The following ACP6 variants were observed in gnomAD, a reference collection of about 807,000 sequenced individuals.
ACP6 encodes lysophosphatidic acid phosphatase type 6.
A neutral mutation model predicts 48.1 loss-of-function variants in ACP6; 48 were observed. The ratio of observed to expected loss-of-function variants is 1.00; its 90% CI spans 0.79 to 1.27. ACP6 has a LOEUF of 1.27. Ranked by LOEUF, ACP6 falls within the 50% of genes most tolerant of loss-of-function variation. The probability of loss-of-function intolerance (pLI) is 0.00; values close to 1 mark genes in which losing one functional copy is unlikely to be tolerated. For synonymous variants in ACP6, 172 were observed against 204.2 expected (o/e 0.84, Z 1.34); for missense variants, 485 against 529.1 (o/e 0.92, Z 0.82).
chr1:147,632,772 G>A (rs587622317), intron 5 of ACP6, among the ~76,000 whole-genome samples: 1 of 152,244 alleles, frequency 6.6e-6, no homozygotes, highest in East Asian at 1.9e-4. Flanking sequence ...CAAGCAGGAT[G>A]GATTGAAGCA....
chr1:147,630,840 G>T (rs1294630227), exon 6 of ACP6: 1 of 152,202 alleles, frequency 6.6e-6, no homozygotes, highest in Non-Finnish European at 1.5e-5. Flanking sequence ...CTCTAGGATA[G>T]CTGTGAGTAG....
At chr1:147,648,209 G>T in intron 9 of ACP6, 37 bp downstream of exon 9, 1 of 1,609,696 alleles carries the variant, frequency 6.2e-7, no homozygotes, top group Non-Finnish European at 8.5e-7. Context: ...GCAGGAGGGT[G>T]CCTCACCACC....
At chr1:147,640,199 ACT>A (rs1659411383), downstream of ACP6, among the ~76,000 whole-genome samples, 1 of 152,020 alleles carries the variant, frequency 6.6e-6, no homozygotes, top group South Asian at 2.1e-4. Flanking sequence ...ATAAACAGAA[ACT>A]CTGCCATGCT....
chr1:147,648,144 G>C, intron 9 of ACP6, 102 bp downstream of exon 9: 1 of 1,359,114 alleles, frequency 7.4e-7, no homozygotes. Context: ...TGCCAAGAGA[G>C]ACTCCACTGG....
chr1:147,642,562 GGT>G lies in ACP6; in HGVS notation c.*4859_*4860del, dbSNP rs1553208913. ...GGTATGCAGGGGCCAGGTCTCAGGG[GGT>G]GATGGAAAGCAAGTGAGGGTATGGC... is the stretch of plus-strand genomic sequence containing the variant. On this transcript the variant is annotated 3_prime_UTR_variant, in exon 10 of 10. Transcript: ENST00000583509. The G allele has an allele frequency of 6.6e-6, 1 of 152,240 alleles. No homozygotes were observed. Among genetic ancestry groups the G allele is most frequent in the African/African-American group, 2.4e-5 (1 of 41,402 alleles). 9.4% of individuals were successfully genotyped at this position (152,240 alleles called of 1,614,324 possible). A position where few individuals can be genotyped will look rare whatever the true frequency, so the allele number is the denominator to read the frequency against.
chr1:147,641,553 T>G (rs150861231), downstream of ACP6, among the ~76,000 whole-genome samples: 19 of 152,298 alleles, frequency 1.2e-4, no homozygotes, highest in African/African-American at 4.3e-4. Flanking sequence ...GCCTTTCACT[T>G]TGCCATACAC....
At chr1:147,642,207 C>A (rs1467716313), downstream of ACP6, 3 of 152,170 alleles carry the variant, frequency 2.0e-5, no homozygotes, top group African/African-American at 7.2e-5. Flanking sequence ...TGCATAGAAG[C>A]CACCTGGGTG....
At position 147,659,688 on chromosome 1, in the gene ACP6, A is replaced by G; in HGVS notation, c.307T>C (p.Tyr103His). 2 of 1,614,200 alleles carry G rather than the reference A, an allele frequency of 1.2e-6. No individual in the cohort carries two copies. The highest frequency in any genetic ancestry group is 2.2e-5 in the South Asian group (2 of 91,082). The change falls in exon 2 of 10, where the codon TAT (tyrosine) becomes CAT (histidine). Residue 103 changes from tyrosine (Y) to histidine (H), a missense_variant. Tyr to His is a moderately conservative substitution (Grantham distance 83). Transcript: ENST00000583509. ...TGGTATTGAGAGTCGTAAGGAGAATATGGTTTCGGACCACCAGCTAGATTG... is the reference window on the plus strand; with the variant it reads ...TGGTATTGAGAGTCGTAAGGAGAATGTGGTTTCGGACCACCAGCTAGATTG... The part of the protein sequence containing the change: ...VTNLAGGPKP[Y>H]SPYDSQYHET...
intron 5 of ACP6, among the ~76,000 whole-genome samples, chr1:147,633,418 G>T (rs1463205358): frequency 1.3e-5 from 2 of 151,896 alleles, no homozygotes; most frequent in South Asian, 2.1e-4. Flanking sequence ...AAAGTGTTTG[G>T]TGCCCCAGTA....
At chr1:147,638,739 C>T (rs587764564), downstream of ACP6, among the ~76,000 whole-genome samples, 26 of 152,304 alleles carry the variant, frequency 1.7e-4, no homozygotes, top group East Asian at 5.8e-4. Context: ...AAATATACTG[C>T]GAACAATTTC....
chr1:147,661,731 G>C (rs1245947326), intron 1 of ACP6, among the ~76,000 whole-genome samples: 1 of 152,148 alleles, frequency 6.6e-6, no homozygotes, highest in Non-Finnish European at 1.5e-5. Context: ...TGAATGCAAA[G>C]GAAAAGTTCT....
Position 147,659,741 on chromosome 1 carries a change from G to C in ACP6, c.254C>G (p.Pro85Arg), listed in dbSNP as rs1553212406. ...GACTGTGTAATCAAACTGAGTTTGG[G>C]GTGGGACCTCTAATAGCTGGGGGTT... The part of the protein sequence containing the change: ...EWNPQLLEVP[P>R]QTQFDYTVTN... Residue 85 changes from proline to arginine, a missense_variant, in exon 2 of 10, where the codon CCC becomes CGC. Transcript: ENST00000583509. 6.2e-7 allele frequency: 1 copy of C among 1,614,020 alleles called. No individual in the cohort carries two copies. The highest frequency in any genetic ancestry group is 1.1e-5 in the South Asian group (1 of 91,070).
intron 6 of ACP6, 25 bp from the exon 7 acceptor site, chr1:147,652,574 G>GA (rs1553210764): frequency 2.5e-6 from 4 of 1,612,526 alleles, no homozygotes; most frequent in Admixed American, 1.7e-5. Context: ...TGTAGTTTTA[G>GA]AAAAAAATGC....
At chr1:147,649,976 G>T in intron 8 of ACP6, 167 bp downstream of exon 8, 2 of 569,010 alleles carry the variant, frequency 3.5e-6, no homozygotes, top group Non-Finnish European at 3.1e-6. Context: ...GCAGCAGGAA[G>T]AAAGGTTAAA....
chr1:147,669,896 T>A lies in ACP6; in HGVS notation c.153A>T (p.Lys51Asn). 1 of 1,602,100 alleles carries A rather than the reference T, an allele frequency of 6.2e-7. No individual in the cohort carries two copies. Among genetic ancestry groups the A allele is most frequent in the Non-Finnish European group, 8.5e-7 (1 of 1,175,216 alleles). Residue 51 changes from lysine (K) to asparagine (N), a missense_variant, in exon 1 of 10, where the codon AAA (lysine) becomes AAT (asparagine). Transcript: ENST00000583509. The part of the protein sequence containing the change: ...CPVDRSLLKL[K>N]MVQVVFRHGA... ...CGTGTCGAAACACGACCTGCACCATTTTCAACTTCAGCAGGCTGCGGTCGA... is the reference window on the plus strand; with the variant it reads ...CGTGTCGAAACACGACCTGCACCATATTCAACTTCAGCAGGCTGCGGTCGA...
rs1323798219 is a variant in ACP6, at chr1:147,646,341, G to A, written c.*1082C>T. 1.3e-5 allele frequency: 2 copies of A among 152,114 alleles called. No individual in the cohort carries two copies. Among genetic ancestry groups the A allele is most frequent in the Admixed American group, 6.5e-5 (1 of 15,278 alleles). 9.4% of individuals were successfully genotyped at this position (152,114 alleles called of 1,614,324 possible). A position where few individuals can be genotyped will look rare whatever the true frequency, so the allele number is the denominator to read the frequency against. ...GAGGAGGGGGGTTTGATTCTAACAT[G>A]GAAAGTTTTGTGCCAGTGAAATCCA... On this transcript the variant is annotated 3_prime_UTR_variant, in exon 10 of 10. Coordinates refer to ENST00000583509, the MANE Select transcript of ACP6 (RefSeq NM_016361.5).
At chr1:147,653,137 G>GTTTA (rs1660046579) in intron 6 of ACP6, among the ~76,000 whole-genome samples, 5 of 148,866 alleles carry the variant, frequency 3.4e-5, no homozygotes, top group Non-Finnish European at 7.4e-5. Flanking sequence ...TGTTTTACTG[G>GTTTA]TTTTTTTTTT....
In ACP6 at chr1:147,655,209, A is replaced by C; in HGVS notation, c.599T>G (p.Val200Gly). The change falls in exon 5 of 10, where the codon GTC becomes GGC. Residue 200 changes from valine to glycine, a missense_variant. Transcript: ENST00000583509. ...GCAGCTTTGGTAGTTGGGATACAAG[A>C]CTTCTGAATCTGCTTCATCAGTGTG... The part of the protein sequence containing the change: ...IIHTDEADSE[V>G]LYPNYQSCWS... 6.2e-7 allele frequency: 1 copy of C among 1,609,358 alleles called. No homozygotes were observed. Among genetic ancestry groups the C allele is most frequent in the Non-Finnish European group, 8.5e-7 (1 of 1,177,650 alleles).
Position 147,659,391 on chromosome 1 carries a change from C to T in ACP6, c.479+5G>A. 6.2e-7 allele frequency: 1 copy of T among 1,613,504 alleles called. No homozygotes were observed. The highest frequency in any genetic ancestry group is 1.1e-5 in the South Asian group (1 of 90,990). On this transcript the variant is annotated splice_donor_5th_base_variant and intron_variant, in intron 3 of 9. Transcript: ENST00000583509. Reference sequence around the variant, plus strand: ...AAGTGCAACATCCCCTTTCAAGTGACTCACAAGACCTCCTGTGGGTTGAAG... The same window carrying T: ...AAGTGCAACATCCCCTTTCAAGTGATTCACAAGACCTCCTGTGGGTTGAAG...
Sources: allele counts gnomAD v4.1 joint callset (sites outside exome capture counted in the v4.1 genomes callset), GRCh38; gene constraint gnomAD v4.1.1; transcripts MANE v1.5; gene names NCBI Gene and HGNC (gene_info 2026-07-23, HGNC 2026-07-21).